The following NACC1 variants were observed in gnomAD, a reference collection of about 807,000 sequenced individuals.
NACC1 encodes the protein nucleus accumbens-associated protein 1.
Under a neutral mutation model 41.7 loss-of-function variants are expected in NACC1, and 6 were observed. That is an observed-to-expected ratio of 0.14 (90% confidence interval 0.08 to 0.28). NACC1 has a LOEUF of 0.28. Ranked by LOEUF, NACC1 falls within the 10% of genes least tolerant of loss-of-function variation. The probability of loss-of-function intolerance (pLI) is 1.00; values close to 1 mark genes in which losing one functional copy is unlikely to be tolerated. For missense variants in NACC1, 434 were observed against 763.7 expected (o/e 0.57, Z 5.09); for synonymous variants, 338 against 330.6 (o/e 1.02, Z -0.24).
chr19:13,121,321 G>C (rs1412123099), intron 1 of NACC1, among the ~76,000 whole-genome samples: 6 of 152,164 alleles, frequency 3.9e-5, no homozygotes, highest in Admixed American at 3.9e-4. Flanking sequence ...ATGAGGGAAG[G>C]AGTGGGGGGA....
At position 13,135,480 on chromosome 19, in the gene NACC1, C is replaced by G; in HGVS notation, c.273C>G (p.Ser91Arg). The G allele has an allele frequency of 6.2e-7, 1 of 1,613,678 alleles. No individual in the cohort carries two copies. The highest frequency in any genetic ancestry group is 8.5e-7 in the Non-Finnish European group (1 of 1,179,932). The change falls in exon 2 of 6, where the codon AGC (serine) becomes AGG (arginine). Residue 91 changes from serine to arginine, a missense_variant. Physicochemically the swap from Ser to Arg is moderately radical, Grantham distance 110. Coordinates refer to ENST00000292431, the MANE Select transcript of NACC1 (RefSeq NM_052876.4). ...GCTTCTGCTACACGGGCCGGCTGAG[C>G]ATGAACGTGGGCGACCAGTTCCTGC... The part of the protein sequence containing the change: ...ILSFCYTGRL[S>R]MNVGDQFLLM...
rs570819174 is a variant in NACC1 at position 13,137,628 on chromosome 19, G to A, written c.1324+53G>A. ...GTGGGCCCGGGGCACGCAGGTTGAC[G>A]TTTTTTCCCAGCCTTGGCTCTCAGA... On this transcript the variant is annotated intron_variant, in intron 5 of 5. Transcript: ENST00000292431. This position sits in a 1 kb window ranked among gnomAD's most constrained non-coding sequence, Gnocchi z 6.1. 124 of 1,458,578 alleles carry A rather than the reference G, an allele frequency of 8.5e-5. No individual in the cohort carries two copies. In the African/African-American group the frequency reaches 1.2e-3, roughly 14 times the overall value. The allele number at this position is 1,458,578 out of a possible 1,614,324, so 90.4% of individuals were successfully genotyped here.
rs1311271497 is a variant in NACC1, at chr19:13,135,757, C to T, written c.550C>T (p.Arg184Trp). ...CGTGCAGTGCATGCCCGTGGCCAAG[C>T]GGCTGTGGGACAGTGGCCAGAAGGA... ...DSVQCMPVAKRLWDSGQKEAG... is the reference protein window; with the variant it reads ...DSVQCMPVAKWLWDSGQKEAG... Residue 184 changes from arginine to tryptophan, a missense_variant, in exon 2 of 6, where the codon CGG (arginine) becomes TGG (tryptophan). Coordinates refer to ENST00000292431, the MANE Select transcript of NACC1 (RefSeq NM_052876.4). The T allele has an allele frequency of 3.8e-6, 6 of 1,559,956 alleles. No individual in the cohort carries two copies. The highest frequency in any genetic ancestry group is 5.2e-6 in the Non-Finnish European group (6 of 1,153,894).
At chr19:13,129,343 C>CT (rs1443264675) in intron 1 of NACC1, among the ~76,000 whole-genome samples, 2 of 152,156 alleles carry the variant, frequency 1.3e-5, no homozygotes, top group East Asian at 1.9e-4. Context: ...CCCGTTTCCT[C>CT]TGAGTCCAGT....
Position 13,135,936 on chromosome 19 carries a change from C to T in NACC1, c.729C>T (p.Ala243=), listed in dbSNP as rs565175936. 22 of 1,588,150 alleles carry T rather than the reference C, an allele frequency of 1.4e-5. No individual in the cohort carries two copies. In the East Asian group the frequency reaches 3.2e-4, roughly 23 times the overall value. Residue 243 remains alanine, a synonymous_variant, in exon 2 of 6, where the codon GCC becomes GCT. Transcript: ENST00000292431. The part of the protein sequence containing the change: ...PAVAAGAGQP[A]GGVAAAGGVV... The stretch of plus-strand genomic sequence containing the variant: ...TGGCTGCGGGAGCAGGGCAGCCAGC[C>T]GGTGGGGTGGCAGCAGCAGGGGGTG...
chr19:13,118,719 G>A (rs144952476), intron 1 of NACC1, among the ~76,000 whole-genome samples: 1,722 of 151,492 alleles, frequency 0.011, 41 homozygotes, highest in African/African-American at 0.04. Flanking sequence ...AGGTCGGGCC[G>A]GGGCAGGTAC....
chr19:13,127,175 G>A (rs2145615956), intron 1 of NACC1, among the ~76,000 whole-genome samples: 1 of 151,612 alleles, frequency 6.6e-6, no homozygotes, highest in South Asian at 2.1e-4. Context: ...GTCAAGCAGG[G>A]AGAATCAAGC....
upstream of NACC1, chr19:13,117,098 C>A (rs1412656368): frequency 6.6e-6 from 1 of 152,280 alleles, no homozygotes; most frequent in African/African-American, 2.4e-5. Context: ...ACTCCCGCGG[C>A]TTCACTTTTC....
At chr19:13,129,437 AGGATTGGGCC>A (rs111444305) in intron 1 of NACC1, among the ~76,000 whole-genome samples, 5,063 of 152,172 alleles carry the variant, frequency 0.033, 250 homozygotes, top group African/African-American at 0.11. Context: ...TCCATTGGGC[AGGATTGGGCC>A]GGATTGGGCC....
chr19:13,135,969 T>C lies in NACC1; in HGVS notation c.762T>C (p.Ser254=), dbSNP rs1192885363. 1 of 1,606,456 alleles carries C rather than the reference T, an allele frequency of 6.2e-7. No individual in the cohort carries two copies. Among genetic ancestry groups the C allele is most frequent in the Non-Finnish European group, 8.5e-7 (1 of 1,177,380 alleles). Residue 254 remains serine, a synonymous_variant, in exon 2 of 6, where the codon AGT becomes AGC. Transcript: ENST00000292431. ...GGVAAAGGVV[S]GPSTSERTSP... ...TGGCAGCAGCAGGGGGTGTGGTGAG[T>C]GGGCCCAGCACGTCGGAGCGGACCA... is the stretch of plus-strand genomic sequence containing the variant.
At chr19:13,119,177 A>T (rs1205307892) in intron 1 of NACC1, among the ~76,000 whole-genome samples, 1 of 144,080 alleles carries the variant, frequency 6.9e-6, no homozygotes. Flanking sequence ...GCTAGGGGGG[A>T]TGTGGGGGCA....
At chr19:13,131,288 G>C (rs926163484) in intron 1 of NACC1, among the ~76,000 whole-genome samples, 1 of 152,168 alleles carries the variant, frequency 6.6e-6, no homozygotes, top group African/African-American at 2.4e-5. Context: ...CAGGATTTTG[G>C]CAGCACTGCA....
intron 1 of NACC1, 84 bp from the exon 2 acceptor site, chr19:13,135,116 C>A: frequency 6.9e-7 from 1 of 1,446,322 alleles, no homozygotes; most frequent in Non-Finnish European, 9.1e-7. Context: ...GTCTTTGGGG[C>A]CAGGGCTAGG....
rs1055771176 is a variant in NACC1 at position 13,122,909 on chromosome 19, A to T, written c.-9+4455A>T. Among the ~76,000 whole-genome samples, 3 of 152,056 alleles carry T rather than the reference A, an allele frequency of 2.0e-5. No individual in the cohort carries two copies. In the South Asian group the frequency reaches 6.2e-4, roughly 31 times the overall value. ...AGCACCGACTACGGGGCGAGCGCCG[A>T]TCGGCCTGTGTTCTTTGGTTGTTTA... On this transcript the variant is annotated intron_variant, in intron 1 of 5. Coordinates refer to ENST00000292431, the MANE Select transcript of NACC1 (RefSeq NM_052876.4).
In NACC1 at chr19:13,138,163, C is replaced by T. The variant is rs779277890; in HGVS notation, c.1341C>T (p.Phe447=). The T allele has an allele frequency of 1.2e-6, 2 of 1,613,846 alleles. No homozygotes were observed. The highest frequency in any genetic ancestry group is 1.7e-6 in the Non-Finnish European group (2 of 1,179,744). ...LHAVKYYCQN[F]APNFKESEMN... ...GCCCCACAGACTACTGCCAGAACTT[C>T]GCCCCCAACTTCAAGGAGAGCGAGA... Residue 447 remains phenylalanine, a synonymous_variant, in exon 6 of 6, where the codon TTC becomes TTT. Coordinates refer to ENST00000292431, the MANE Select transcript of NACC1 (RefSeq NM_052876.4). The surrounding 1 kb of genome is among the most constrained non-coding windows in gnomAD (Gnocchi z 5.7).
chr19:13,138,608 G>A lies in NACC1; in HGVS notation c.*202G>A. The A allele has an allele frequency of 2.8e-6, 2 of 723,466 alleles. No individual in the cohort carries two copies. The highest frequency in any genetic ancestry group is 3.7e-5 in the South Asian group (2 of 53,572). The allele number at this position is 723,466 out of a possible 1,614,324, so 44.8% of individuals were successfully genotyped here. A position where few individuals can be genotyped will look rare whatever the true frequency, so the allele number is the denominator to read the frequency against. On this transcript the variant is annotated 3_prime_UTR_variant, in exon 6 of 6. Coordinates refer to ENST00000292431, the MANE Select transcript of NACC1 (RefSeq NM_052876.4). This position sits in a 1 kb window ranked among gnomAD's most constrained non-coding sequence, Gnocchi z 5.7. ...AGGACCGCAGGGCAGGTGGCGTGAG[G>A]TCCGTGTTGCCTTCTTTAACACACA...
chr19:13,128,554 T>A (rs1270026575), intron 1 of NACC1, among the ~76,000 whole-genome samples: 1 of 152,138 alleles, frequency 6.6e-6, no homozygotes, highest in Non-Finnish European at 1.5e-5. Context: ...CTGAGCCCAG[T>A]CCCCTGGAGG....
intron 1 of NACC1, among the ~76,000 whole-genome samples, chr19:13,127,406 A>G (rs1486254087): frequency 2.5e-5 from 2 of 78,902 alleles, no homozygotes; most frequent in Non-Finnish European, 4.3e-5. Context: ...TTTTTCGGTT[A>G]ACTGGATGGG....
At chr19:13,129,360 A>G (rs1245663833) in intron 1 of NACC1, among the ~76,000 whole-genome samples, 1 of 152,018 alleles carries the variant, frequency 6.6e-6, no homozygotes. Context: ...CAGTCATGCT[A>G]GCTCCCTTCC....
Sources: gnomAD v4.1 joint callset for allele counts (sites outside exome capture counted in the v4.1 genomes callset) on GRCh38, gnomAD v4.1.1 for gene constraint, Gnocchi (gnomAD v3.1) non-coding constraint, MANE v1.5 for transcripts, NCBI Gene and HGNC (gene_info 2026-07-23, HGNC 2026-07-21) for gene names.